ZFYVE26: variants seen among roughly 807,000 people sequenced by gnomAD.
ZFYVE26 encodes the protein zinc finger FYVE domain-containing protein 26.
A neutral mutation model predicts 276.5 loss-of-function variants in ZFYVE26; 181 were observed. The observed-to-expected ratio is 0.65, with a 90% CI of 0.58 to 0.74. ZFYVE26 has a LOEUF of 0.74. Among genes scored for constraint, ZFYVE26 ranks in the 30% least tolerant of loss-of-function variants. The pLI, the probability that ZFYVE26 is intolerant of heterozygous loss-of-function variation, is 0.00. For synonymous variants in ZFYVE26, 1,129 were observed against 1,203.1 expected (o/e 0.94, Z 1.27); for missense variants, 2,821 against 3,097.9 (o/e 0.91, Z 2.12).
rs140821098 is a variant in ZFYVE26, at chr14:67,729,312, G to T, written n.3187C>A. 64 of 1,600,908 alleles carry T rather than the reference G, an allele frequency of 4.0e-5. No homozygotes were observed. Among genetic ancestry groups the T allele is most frequent in the African/African-American group, 2.4e-4 (18 of 74,870 alleles). ...CCCCCTTTGTCAAGACGGCACGGGA[G>T]GGGGCGCAGACCAGCCTGCACTGCG... On this transcript the variant is annotated non_coding_transcript_exon_variant, in exon 14 of 15. Transcript: ENST00000394455.
intron 18 of ZFYVE26, among the ~76,000 whole-genome samples, 153 bp from the exon 19 acceptor site, chr14:67,785,430 T>TC: frequency 6.6e-6 from 1 of 152,244 alleles, no homozygotes; most frequent in South Asian, 2.1e-4. Context: ...AAATATAAAA[T>TC]CCTAAGTCAG....
intron 13 of ZFYVE26, among the ~76,000 whole-genome samples, chr14:67,740,359 TTTAGA>T (rs1260534997): frequency 6.7e-6 from 1 of 148,648 alleles, no homozygotes; most frequent in African/African-American, 2.4e-5. Flanking sequence ...TAAAAAATGT[TTTAGA>T]TTATTTTTCT....
intron 10 of ZFYVE26, 145 bp from the exon 11 acceptor site, chr14:67,798,767 G>T (rs7160083): frequency 9.1e-7 from 1 of 1,102,024 alleles, no homozygotes; most frequent in Non-Finnish European, 1.3e-6. Context: ...TGAGGTTACA[G>T]TGAGAAGAAT....
intron 2 of ZFYVE26, among the ~76,000 whole-genome samples, chr14:67,815,159 A>G (rs770519656): frequency 6.6e-6 from 1 of 152,242 alleles, no homozygotes; most frequent in Non-Finnish European, 1.5e-5. Flanking sequence ...GAATCTATAT[A>G]TGGATAAAAC....
rs777652656 is a variant in ZFYVE26, at chr14:67,794,179, C to T, written c.2393G>A (p.Ser798Asn). 1.2e-6 allele frequency: 2 copies of T among 1,614,182 alleles called. No individual in the cohort carries two copies. Among genetic ancestry groups the T allele is most frequent in the Non-Finnish European group, 1.7e-6 (2 of 1,180,008 alleles). The change falls in exon 13 of 42, where the codon AGT becomes AAT. Residue 798 changes from serine (S) to asparagine (N), a missense_variant. Transcript: ENST00000347230. ...LESTSSELST[S>N]TSEGSLSAMS... ...GGTGGAAATCTGCATACCTGACGTA[C>T]TTGTGCTCAGCTCACTACTTGTACT...
Position 67,790,595 on chromosome 14 carries a change from G to T in ZFYVE26, c.2732C>A (p.Ala911Asp). ...RTGSGRSTLQ[A>D]IGSAAAAGMV... ...ACCTGCTGCTGCAGCGCTGCCAATG[G>T]CCTGTAGAGTTGAGCGGCCACTGCC... is the stretch of plus-strand genomic sequence containing the variant. The change falls in exon 15 of 42, where the codon GCC (alanine) becomes GAC (aspartate). Residue 911 changes from alanine (A) to aspartate (D), a missense_variant. Coordinates refer to ENST00000347230, the MANE Select transcript of ZFYVE26 (RefSeq NM_015346.4). The T allele has an allele frequency of 1.2e-6, 2 of 1,613,888 alleles. No homozygotes were observed. The highest frequency in any genetic ancestry group is 2.2e-5 in the East Asian group (1 of 44,880).
At chr14:67,797,639 G>C (rs1479616846) in intron 12 of ZFYVE26, 33 bp downstream of exon 12, 1 of 1,608,318 alleles carries the variant, frequency 6.2e-7, no homozygotes. Flanking sequence ...TACACCACTT[G>C]CCTAGTGCAT....
At chr14:67,800,117 T>C (rs2040047735) in intron 10 of ZFYVE26, among the ~76,000 whole-genome samples, 3 of 152,364 alleles carry the variant, frequency 2.0e-5, no homozygotes, top group South Asian at 4.1e-4. Flanking sequence ...GTACAGGTAT[T>C]AAATTACTTT....
intron 24 of ZFYVE26, 50 bp downstream of exon 24, chr14:67,778,076 A>G (rs2039395089): frequency 1.2e-6 from 2 of 1,613,270 alleles, no homozygotes; most frequent in East Asian, 4.5e-5. Flanking sequence ...TGATTTGACT[A>G]AACTTCTTGT....
chr14:67,799,702 C>T (rs2040040784), intron 10 of ZFYVE26: 1 of 922,210 alleles, frequency 1.1e-6, no homozygotes, highest in Non-Finnish European at 1.7e-6. Context: ...CAACTCAACT[C>T]TTGAGAAAAG....
chr14:67,778,080 T>A, intron 24 of ZFYVE26, 46 bp downstream of exon 24: 1 of 1,613,730 alleles, frequency 6.2e-7, no homozygotes, highest in Non-Finnish European at 8.5e-7. Context: ...TTGACTAAAC[T>A]TCTTGTCCCA....
At chr14:67,777,266 A>G (rs1256788719) in intron 25 of ZFYVE26, among the ~76,000 whole-genome samples, 2 of 152,242 alleles carry the variant, frequency 1.3e-5, no homozygotes, top group Non-Finnish European at 2.9e-5. Flanking sequence ...GATACCATGG[A>G]AACCATAAAG....
chr14:67,762,191 C>T lies in ZFYVE26; in HGVS notation c.6369+12G>A, dbSNP rs772853496. 7 of 1,614,044 alleles carry T rather than the reference C, an allele frequency of 4.3e-6. No homozygotes were observed. The highest frequency in any genetic ancestry group is 5.9e-6 in the Non-Finnish European group (7 of 1,179,904). On this transcript the variant is annotated intron_variant, in intron 34 of 41. Coordinates refer to ENST00000347230, the MANE Select transcript of ZFYVE26 (RefSeq NM_015346.4). ...CTCCCTGAGCCAGGCACTCTTCCTGCCTTGCTCTTACCAAGGATACAAAGG... is the reference window on the plus strand; with the variant it reads ...CTCCCTGAGCCAGGCACTCTTCCTGTCTTGCTCTTACCAAGGATACAAAGG...
At chr14:67,789,679 T>C (rs540229143) in intron 15 of ZFYVE26, 81 bp from the exon 16 acceptor site, 35 of 1,588,792 alleles carry the variant, frequency 2.2e-5, no homozygotes, top group South Asian at 5.6e-5. Flanking sequence ...GTAGTTACTT[T>C]CAAAATGTTT....
At chr14:67,794,261 G>T in intron 12 of ZFYVE26, 22 bp from the exon 13 acceptor site, 1 of 1,611,654 alleles carries the variant, frequency 6.2e-7, no homozygotes, top group South Asian at 1.1e-5. Flanking sequence ...GGGAAGAAGA[G>T]AGAAAGTCAA....
At chr14:67,797,344 T>C in intron 12 of ZFYVE26, 1 of 360,836 alleles carries the variant, frequency 2.8e-6, no homozygotes, top group East Asian at 6.6e-5. Flanking sequence ...AAGCAGTATT[T>C]AAAATGGTAA....
chr14:67,766,189 G>T, intron 32 of ZFYVE26, 38 bp downstream of exon 32: 1 of 1,596,786 alleles, frequency 6.3e-7, no homozygotes, highest in Non-Finnish European at 8.6e-7. Context: ...GCTAGAAACT[G>T]CTCCTGTGTA....
Position 67,783,504 on chromosome 14 carries a change from T to C in ZFYVE26, c.3648A>G (p.Gln1216=), listed in dbSNP as rs144617755. The C allele has an allele frequency of 6.2e-7, 1 of 1,613,430 alleles. No individual in the cohort carries two copies. Among genetic ancestry groups the C allele is most frequent in the East Asian group, 2.2e-5 (1 of 44,868 alleles). The part of the protein sequence containing the change: ...PPERLAALLA[Q]ENLSLSVPQV... The stretch of plus-strand genomic sequence containing the variant: ...GTGGCACACTTAGGCTGAGATTCTC[T>C]TGGGCCAGAAGGGCTGCCAGTCTGG... The change falls in exon 21 of 42, where the codon CAA becomes CAG. Residue 1216 remains glutamine, a synonymous_variant. Transcript: ENST00000347230.
intron 28 of ZFYVE26, 116 bp from the exon 29 acceptor site, chr14:67,769,846 T>G: frequency 1.4e-6 from 2 of 1,396,674 alleles, no homozygotes; most frequent in Non-Finnish European, 2.0e-6. Flanking sequence ...GAACACCAAC[T>G]GCTTGGGTCT....
Sources: allele counts gnomAD v4.1 joint callset (sites outside exome capture counted in the v4.1 genomes callset), GRCh38; gene constraint gnomAD v4.1.1; transcripts MANE v1.5; gene names NCBI Gene and HGNC (gene_info 2026-07-23, HGNC 2026-07-21).